Variants in FRAS1 observed in about 807,000 individuals in gnomAD.
FRAS1 encodes Fraser extracellular matrix complex subunit 1.
FRAS1 carries 290 observed loss-of-function variants against 435.2 expected under a neutral mutation model. The ratio of observed to expected loss-of-function variants is 0.67; its 90% CI spans 0.61 to 0.73. The LOEUF (loss-of-function observed/expected upper bound fraction) is 0.73, where lower values mean the gene tolerates loss of function less well. Ranked by LOEUF, FRAS1 falls within the 30% of genes least tolerant of loss-of-function variation. The probability of loss-of-function intolerance (pLI) is 0.00; values close to 1 mark genes in which losing one functional copy is unlikely to be tolerated. For missense variants in FRAS1, 4,860 were observed against 5,001.5 expected, an observed-to-expected ratio of 0.97 and a Z score of 0.85; for synonymous variants, 1,800 against 1,851.0, an observed-to-expected ratio of 0.97 and a Z score of 0.71.
intron 50 of FRAS1, among the ~76,000 whole-genome samples, chr4:78,468,502 A>G (rs1044880363): frequency 1.3e-5 from 2 of 152,144 alleles, no homozygotes; most frequent in African/African-American, 2.4e-5. Context: ...CATCATCATC[A>G]TCATCATCAT....
intron 18 of FRAS1, among the ~76,000 whole-genome samples, chr4:78,322,648 A>G (rs932658356): frequency 9.2e-5 from 14 of 152,206 alleles, no homozygotes; most frequent in African/African-American, 2.9e-4. Flanking sequence ...GAGCCACACA[A>G]CAAACCCTAG....
intron 60 of FRAS1, among the ~76,000 whole-genome samples, chr4:78,497,188 T>C (rs1043156314): frequency 3.9e-5 from 6 of 152,120 alleles, no homozygotes; most frequent in African/African-American, 1.4e-4. Flanking sequence ...TGCTAGGAGA[T>C]ATGGACTGAT....
chr4:78,277,897 C>T (rs550029345), intron 9 of FRAS1, among the ~76,000 whole-genome samples: 136 of 151,920 alleles, frequency 9.0e-4, no homozygotes, highest in African/African-American at 3.1e-3. Flanking sequence ...CTGCAAGCTC[C>T]GCCTCCCTGG....
chr4:78,507,669 G>A, intron 62 of FRAS1, 61 bp downstream of exon 62: 1 of 1,453,406 alleles, frequency 6.9e-7, no homozygotes, highest in Non-Finnish European at 9.3e-7. Context: ...GATGAGAACT[G>A]AAGGGAAGTA....
intron 20 of FRAS1, among the ~76,000 whole-genome samples, chr4:78,361,628 G>C (rs1447675215): frequency 6.6e-6 from 1 of 152,162 alleles, no homozygotes; most frequent in Non-Finnish European, 1.5e-5. Context: ...ACATCCAGAT[G>C]ATCAACAGTT....
chr4:78,250,311 A>G (rs1578206753), intron 4 of FRAS1, among the ~76,000 whole-genome samples: 1 of 152,212 alleles, frequency 6.6e-6, no homozygotes, highest in Admixed American at 6.5e-5. Flanking sequence ...ATGTTTTAAC[A>G]TAATTGGAAT....
intron 2 of FRAS1, among the ~76,000 whole-genome samples, chr4:78,075,891 A>G (rs1318128335): frequency 6.6e-6 from 1 of 152,168 alleles, no homozygotes; most frequent in Non-Finnish European, 1.5e-5. Context: ...GTCCAGTTTG[A>G]AGCGAGAGAA....
At chr4:78,513,632 T>G in intron 65 of FRAS1, 80 bp downstream of exon 65, 6 of 1,281,116 alleles carry the variant, frequency 4.7e-6, no homozygotes, top group Non-Finnish European at 6.7e-6. Flanking sequence ...GAGTGAGAAC[T>G]GCTTTTCATG....
In FRAS1 at chr4:78,413,101, GGCTT is replaced by G; in HGVS notation, c.4425+18_4425+21del. ...CCATATGACTGTGAGTTGGGTGGGA[GGCTT>G]GTGGTTTCCACTTAGAGGAGGCACA... On this transcript the variant is annotated intron_variant, in intron 32 of 73. Coordinates refer to ENST00000512123, the MANE Select transcript of FRAS1 (RefSeq NM_025074.7). The G allele has an allele frequency of 6.6e-7, 1 of 1,508,002 alleles. No homozygotes were observed. Among genetic ancestry groups the G allele is most frequent in the Admixed American group, 1.8e-5 (1 of 56,462 alleles). The allele number at this position is 1,508,002 out of a possible 1,614,324, so 93.4% of individuals were successfully genotyped here.
chr4:78,128,486 C>T (rs1719499921), intron 2 of FRAS1, among the ~76,000 whole-genome samples: 1 of 152,198 alleles, frequency 6.6e-6, no homozygotes, highest in Non-Finnish European at 1.5e-5. Context: ...TTTTGGTTTG[C>T]ATTTCTCTGA....
intron 2 of FRAS1, among the ~76,000 whole-genome samples, chr4:78,225,585 C>G (rs1578195023): frequency 6.6e-6 from 1 of 152,134 alleles, no homozygotes; most frequent in Admixed American, 6.5e-5. Flanking sequence ...ATTTCCAGCT[C>G]AAGAGCAGAT....
chr4:78,212,665 G>A (rs531685128), intron 2 of FRAS1, among the ~76,000 whole-genome samples: 2 of 152,302 alleles, frequency 1.3e-5, no homozygotes, highest in Admixed American at 1.3e-4. Context: ...AGGGTCAAAT[G>A]TATGATGTCA....
chr4:78,082,783 T>C (rs1245617489), intron 2 of FRAS1, among the ~76,000 whole-genome samples: 1 of 89,918 alleles, frequency 1.1e-5, no homozygotes, highest in African/African-American at 3.1e-5. Context: ...TTATTTTTAA[T>C]GATCAGCTGA....
Position 78,387,498 on chromosome 4 carries a change from G to T in FRAS1, c.3772G>T (p.Asp1258Tyr). The change falls in exon 29 of 74, where the codon GAT (aspartate) becomes TAT (tyrosine). Residue 1258 changes from aspartate (D) to tyrosine (Y), a missense_variant. Asp to Tyr is a radical substitution (Grantham distance 160). Transcript: ENST00000512123. ...NPQDVVIEII[D>Y]PPLHGQLLQT... ...ACAGGATGTGGTCATTGAAATAATC[G>T]ATCCTCCACTTCATGGCCAATTGCT... 1 of 1,613,084 alleles carries T rather than the reference G, an allele frequency of 6.2e-7. No homozygotes were observed.
chr4:78,223,521 A>G (rs1336124550), intron 2 of FRAS1, among the ~76,000 whole-genome samples: 1 of 152,166 alleles, frequency 6.6e-6, no homozygotes, highest in Non-Finnish European at 1.5e-5. Context: ...TTTTCTTTCT[A>G]CTTTAATTCA....
At chr4:78,504,650 A>G (rs1720777814) in intron 61 of FRAS1, among the ~76,000 whole-genome samples, 1 of 152,188 alleles carries the variant, frequency 6.6e-6, no homozygotes, top group Non-Finnish European at 1.5e-5. Context: ...TGAATACAGC[A>G]CAATGATGGG....
At chr4:78,483,504 A>G (rs914560535) in intron 58 of FRAS1, among the ~76,000 whole-genome samples, 3 of 152,226 alleles carry the variant, frequency 2.0e-5, no homozygotes, top group Middle Eastern at 3.4e-3. Context: ...GATTGGCCAT[A>G]GAGCCCATGA....
chr4:78,446,862 A>T lies in FRAS1; in HGVS notation c.5992A>T (p.Thr1998Ser), dbSNP rs2109832235. The change falls in exon 43 of 74, where the codon ACA becomes TCA. Residue 1998 changes from threonine (T) to serine (S), a missense_variant. Physicochemically the swap from Thr to Ser is moderately conservative, Grantham distance 58. Coordinates refer to ENST00000512123, the MANE Select transcript of FRAS1 (RefSeq NM_025074.7). ...TPDNELIFVL[T>S]KKPDHGHVLW... ...AGATAATGAGCTCATTTTTGTATTG[A>T]CAAAAAAGCCTGACCACGGTAGGGC... The T allele has an allele frequency of 6.2e-7, 1 of 1,610,256 alleles. No individual in the cohort carries two copies. Among genetic ancestry groups the T allele is most frequent in the East Asian group, 2.2e-5 (1 of 44,796 alleles).
At position 78,387,584 on chromosome 4, in the gene FRAS1, A is replaced by G; in HGVS notation, c.3858A>G (p.Arg1286=). Residue 1286 remains arginine (R), a synonymous_variant, in exon 29 of 74, where the codon AGA becomes AGG. Transcript: ENST00000512123. ...AATTCCAGCTGGATGAACTCTCTAG[A>G]GGCCTTCTCCACTATGCTCATGATG... The part of the protein sequence containing the change: ...IYQFQLDELS[R]GLLHYAHDGS... The G allele has an allele frequency of 6.2e-7, 1 of 1,613,832 alleles. No homozygotes were observed. The highest frequency in any genetic ancestry group is 8.5e-7 in the Non-Finnish European group (1 of 1,179,808).
Sources: allele counts gnomAD v4.1 joint callset (sites outside exome capture counted in the v4.1 genomes callset), GRCh38; gene constraint gnomAD v4.1.1; transcripts MANE v1.5; gene names NCBI Gene and HGNC (gene_info 2026-07-23, HGNC 2026-07-21).